GHR: variants seen among roughly 807,000 people sequenced by gnomAD.
GHR encodes the protein GH receptor.
GHR carries 35 observed loss-of-function variants against 67.1 expected under a neutral mutation model. The observed-to-expected ratio is 0.52, with a 90% CI of 0.40 to 0.69. The LOEUF (loss-of-function observed/expected upper bound fraction) is 0.69. Ranked by LOEUF, GHR falls within the 30% of genes least tolerant of loss-of-function variation. The pLI, the probability that GHR is intolerant of heterozygous loss-of-function variation, is 0.00. For synonymous variants in GHR, 272 were observed against 269.1 expected (o/e 1.01, Z -0.10); for missense variants, 792 against 764.6 (o/e 1.04, Z -0.42).
At chr5:42,466,923 G>A in intron 1 of GHR, 3 of 1,519,726 alleles carry the variant, frequency 2.0e-6, no homozygotes, top group Non-Finnish European at 2.6e-6. Flanking sequence ...GTCGCATGAG[G>A]TGTGAGTTGG....
At position 42,630,902 on chromosome 5, in the gene GHR, G is replaced by C. The variant is rs1383535674; in HGVS notation, c.136+1799G>C. ...AATTTTCTTTACTTATATGAGTGCA[G>C]GATAGGGGGTGTTTTGGGCCAAAAG... On this transcript the variant is annotated intron_variant, in intron 3 of 9. Transcript: ENST00000230882. 3.0e-5 allele frequency among the ~76,000 whole-genome samples: 4 copies of C among 134,290 alleles called. 1 individual carries two copies. Among genetic ancestry groups the C allele is most frequent in the Admixed American group, 2.1e-4 (3 of 13,984 alleles). 88.1% of individuals were successfully genotyped at this position (134,290 alleles called of 152,430 possible). A position where few individuals can be genotyped will look rare whatever the true frequency, so the allele number is the denominator to read the frequency against.
rs1169465086 is a variant in GHR at position 42,718,991 on chromosome 5, C to T, written c.1484C>T (p.Pro495Leu). ...TATGCCCAGGTGAGCGACATTACACCAGCAGGTAGTGTGGTCCTTTCCCCG... is the reference window on the plus strand; with the variant it reads ...TATGCCCAGGTGAGCGACATTACACTAGCAGGTAGTGTGGTCCTTTCCCCG... ...DFYAQVSDITPAGSVVLSPGQ... is the reference protein window; with the variant it reads ...DFYAQVSDITLAGSVVLSPGQ... The change falls in exon 10 of 10, where the codon CCA becomes CTA. Residue 495 changes from proline (P) to leucine (L), a missense_variant. Transcript: ENST00000230882. 1 of 1,610,080 alleles carries T rather than the reference C, an allele frequency of 6.2e-7. No individual in the cohort carries two copies. Among genetic ancestry groups the T allele is most frequent in the East Asian group, 2.2e-5 (1 of 44,804 alleles).
chr5:42,576,084 TAAAATAAAATAAAATAAATAAAATA>T (rs1750675399), intron 2 of GHR, among the ~76,000 whole-genome samples: 1 of 95,696 alleles, frequency 1.0e-5, no homozygotes, highest in Non-Finnish European at 2.0e-5. Context: ...TAAAATAAAA[TAAAATAAAATAAAATAAATAAAATA>T]AAATAAAATA....
At chr5:42,488,535 G>A (rs752993545) in intron 1 of GHR, among the ~76,000 whole-genome samples, 2 of 152,010 alleles carry the variant, frequency 1.3e-5, no homozygotes, top group Non-Finnish European at 1.5e-5. Context: ...ATACCTGCTC[G>A]TATTGTGACA....
chr5:42,679,168 ATATAT>A (rs1349620832), intron 3 of GHR, among the ~76,000 whole-genome samples: 4 of 141,468 alleles, frequency 2.8e-5, no homozygotes, highest in African/African-American at 7.6e-5. Context: ...ATATTAATTA[ATATAT>A]TATATATTGT....
chr5:42,520,502 A>G (rs973320931), intron 1 of GHR, among the ~76,000 whole-genome samples: 5 of 152,138 alleles, frequency 3.3e-5, no homozygotes, highest in African/African-American at 1.2e-4. Flanking sequence ...CTGTGCTTTC[A>G]GCCTTGAGAA....
At chr5:42,475,308 T>C (rs146241383) in intron 1 of GHR, among the ~76,000 whole-genome samples, 12 of 152,172 alleles carry the variant, frequency 7.9e-5, no homozygotes, top group African/African-American at 2.9e-4. Flanking sequence ...ATGAAGGCAG[T>C]AGAGATTTGG....
intron 1 of GHR, among the ~76,000 whole-genome samples, chr5:42,515,186 T>C (rs1422481810): frequency 6.6e-6 from 1 of 152,184 alleles, no homozygotes; most frequent in Non-Finnish European, 1.5e-5. Context: ...AAAGAATGAC[T>C]AAAGAAAAGT....
chr5:42,448,949 T>C (rs547625189), intron 1 of GHR, among the ~76,000 whole-genome samples: 2 of 152,276 alleles, frequency 1.3e-5, no homozygotes, highest in African/African-American at 4.8e-5. Context: ...GCTGTAAGCA[T>C]TTGCCTTTAT....
chr5:42,498,482 A>G (rs1167395619), intron 1 of GHR, among the ~76,000 whole-genome samples: 1 of 152,214 alleles, frequency 6.6e-6, no homozygotes, highest in African/African-American at 2.4e-5. Context: ...TACTTTGGAA[A>G]ACTGAGACTC....
Position 42,565,911 on chromosome 5 carries a change from G to A in GHR, c.37G>A (p.Ala13Thr), listed in dbSNP as rs1488219538. ...LWQLLLTLALAGSSDAFSGSE... is the reference protein window; with the variant it reads ...LWQLLLTLALTGSSDAFSGSE... ...GCAGCTGCTGTTGACCTTGGCACTGGCAGGATCAAGTGATGCTTTTTCTGG... is the reference window on the plus strand; with the variant it reads ...GCAGCTGCTGTTGACCTTGGCACTGACAGGATCAAGTGATGCTTTTTCTGG... The change falls in exon 2 of 10, where the codon GCA (alanine) becomes ACA (threonine). Residue 13 changes from alanine to threonine, a missense_variant. Transcript: ENST00000230882. The A allele has an allele frequency of 1.2e-6, 2 of 1,613,984 alleles. No homozygotes were observed. The highest frequency in any genetic ancestry group is 1.7e-6 in the Non-Finnish European group (2 of 1,179,942).
intron 1 of GHR, among the ~76,000 whole-genome samples, chr5:42,439,278 T>G (rs1271357655): frequency 6.6e-6 from 1 of 152,314 alleles, no homozygotes; most frequent in East Asian, 1.9e-4. Context: ...ACTCAGGAAA[T>G]AATCTGTTTG....
chr5:42,717,526 G>A (rs1355030392), intron 8 of GHR, among the ~76,000 whole-genome samples: 1 of 152,034 alleles, frequency 6.6e-6, no homozygotes, highest in African/African-American at 2.4e-5. Context: ...TAAAACCCTG[G>A]TTAATAAGAT....
intron 1 of GHR, chr5:42,465,318 TGAAAATAAATC>T: frequency 1.4e-6 from 1 of 721,526 alleles, no homozygotes; most frequent in Non-Finnish European, 2.4e-6. Flanking sequence ...TTTTTTTGCA[TGAAAATAAATC>T]TTTATTTTCA....
At chr5:42,659,786 G>A (rs1336722746) in intron 3 of GHR, among the ~76,000 whole-genome samples, 1 of 152,150 alleles carries the variant, frequency 6.6e-6, no homozygotes, top group East Asian at 1.9e-4. Context: ...CACTTTGCAG[G>A]AGCCGAAGCA....
At chr5:42,643,499 G>T (rs887139923) in intron 3 of GHR, among the ~76,000 whole-genome samples, 1 of 152,070 alleles carries the variant, frequency 6.6e-6, no homozygotes, top group Non-Finnish European at 1.5e-5. Flanking sequence ...CTACCACAGT[G>T]TCTAAACACT....
chr5:42,518,409 CAT>C (rs1277724421), intron 1 of GHR, among the ~76,000 whole-genome samples: 1 of 152,062 alleles, frequency 6.6e-6, no homozygotes, highest in Non-Finnish European at 1.5e-5. Context: ...GTATGGAAGA[CAT>C]ATGCAAAAAG....
At chr5:42,650,019 C>T (rs1249758447) in intron 3 of GHR, among the ~76,000 whole-genome samples, 1 of 152,082 alleles carries the variant, frequency 6.6e-6, no homozygotes, top group African/African-American at 2.4e-5. Flanking sequence ...AACCTTCAAC[C>T]TTCTAGTGAA....
chr5:42,520,830 G>A (rs1329951557), intron 1 of GHR, among the ~76,000 whole-genome samples: 1 of 152,050 alleles, frequency 6.6e-6, no homozygotes, highest in Non-Finnish European at 1.5e-5. Context: ...GACATAGCAG[G>A]CTTCTTTTTG....
Sources: allele counts gnomAD v4.1 joint callset (sites outside exome capture counted in the v4.1 genomes callset), GRCh38; gene constraint gnomAD v4.1.1; transcripts MANE v1.5; gene names NCBI Gene and HGNC (gene_info 2026-07-23, HGNC 2026-07-21).